POLG: variants seen among roughly 807,000 people sequenced by gnomAD.
POLG encodes DNA polymerase subunit gamma-1.
Under a neutral mutation model 155.4 loss-of-function variants are expected in POLG, and 110 were observed. The observed-to-expected ratio is 0.71, with a 90% CI of 0.61 to 0.83. The LOEUF (loss-of-function observed/expected upper bound fraction) is 0.83. Among genes scored for constraint, POLG ranks in the 40% least tolerant of loss-of-function variants. The probability of loss-of-function intolerance (pLI) is 0.00; values close to 1 mark genes in which losing one functional copy is unlikely to be tolerated. For missense variants in POLG, 1,685 were observed against 1,627.5 expected (o/e 1.04, Z -0.61); for synonymous variants, 701 against 631.5 (o/e 1.11, Z -1.65).
At position 89,333,679 on chromosome 15, in the gene POLG, C is replaced by T; in HGVS notation, c.76G>A (p.Val26Ile). Residue 26 changes from valine (V) to isoleucine (I), a missense_variant, in exon 2 of 23, where the codon GTC becomes ATC. Physicochemically the swap from Val to Ile is conservative, Grantham distance 29 (BLOSUM62 3). Around this residue, in one of 3 missense-constraint regions of POLG, gnomAD observed 1,210 missense variants for 1,167.1 expected, o/e 1.04. Coordinates refer to ENST00000268124, the MANE Select transcript of POLG (RefSeq NM_002693.3). ...TCGGACGCGGGGACGGAGCTGGAGA[C>T]CCAGCGCCCCGGAGCTGGAACCGGC... Reference protein sequence around the residue: ...PGPVPAPGRWVSSSVPASDPS... With the variant: ...PGPVPAPGRWISSSVPASDPS... 1 of 1,549,056 alleles carries T rather than the reference C, an allele frequency of 6.5e-7. No individual in the cohort carries two copies. Among genetic ancestry groups the T allele is most frequent in the Non-Finnish European group, 8.7e-7 (1 of 1,152,740 alleles).
chr15:89,328,428 A>G (rs371905951), intron 6 of POLG, 28 bp downstream of exon 6: 2 of 1,580,232 alleles, frequency 1.3e-6, no homozygotes, highest in African/African-American at 2.7e-5. Flanking sequence ...ACTGACCCCC[A>G]GAGATTCCCA....
At chr15:89,330,676 C>G (rs1018314582) in intron 2 of POLG, among the ~76,000 whole-genome samples, 9 of 150,608 alleles carry the variant, frequency 6.0e-5, no homozygotes, top group African/African-American at 2.2e-4. Flanking sequence ...GTTCAAAGTA[C>G]TAGTAAAGGA....
intron 11 of POLG, 81 bp downstream of exon 11, chr15:89,324,026 C>T: frequency 6.3e-7 from 1 of 1,590,924 alleles, no homozygotes; most frequent in Non-Finnish European, 8.6e-7. Context: ...GTGCCAGCCT[C>T]CCACCCAAAG....
rs773052089 is a variant in POLG at position 89,320,937 on chromosome 15, G to A, written c.2810C>T (p.Thr937Ile). 1 of 1,613,836 alleles carries A rather than the reference G, an allele frequency of 6.2e-7. No homozygotes were observed. Among genetic ancestry groups the A allele is most frequent in the Non-Finnish European group, 8.5e-7 (1 of 1,179,852 alleles). Residue 937 changes from threonine to isoleucine, a missense_variant, in exon 18 of 23, where the codon ACT becomes ATT. Physicochemically the swap from Thr to Ile is moderately conservative, Grantham distance 89 (BLOSUM62 -1). Transcript: ENST00000268124. ...ATGCTCACGGCTGATGCCCACAGTAGTGGCTGTCTTACTGTGTAGATCAGT... is the reference window on the plus strand; with the variant it reads ...ATGCTCACGGCTGATGCCCACAGTAATGGCTGTCTTACTGTGTAGATCAGT... ...RGTDLHSKTA[T>I]TVGISREHAK...
At position 89,324,182 on chromosome 15, in the gene POLG, C is replaced by T. The variant is rs1411128697; in HGVS notation, c.1995G>A (p.Lys665=). The T allele has an allele frequency of 6.2e-7, 1 of 1,613,748 alleles. No homozygotes were observed. The highest frequency in any genetic ancestry group is 1.1e-5 in the South Asian group (1 of 91,092). Reference sequence around the variant, plus strand: ...CGGCCTCCTGGGGCATCAGCTGCTGCTTCCCCTGTTCGAGACAGTGCTTCC... The same window carrying T: ...CGGCCTCCTGGGGCATCAGCTGCTGTTTCCCCTGTTCGAGACAGTGCTTCC... ...LYRKHCLEQG[K]QQLMPQEAGL... The change falls in exon 11 of 23, where the codon AAG becomes AAA. Residue 665 remains lysine (K), a synonymous_variant. Transcript: ENST00000268124.
At position 89,316,331 on chromosome 15, in the gene POLG, T is replaced by C. The variant is rs2055257867; in HGVS notation, c.*420A>G. Reference sequence around the variant, plus strand: ...GAGAAGATAGAGTCTTTTTTTTCCTTCTTTTTATTTCCACTGCCTTGGAGC... The same window carrying C: ...GAGAAGATAGAGTCTTTTTTTTCCTCCTTTTTATTTCCACTGCCTTGGAGC... On this transcript the variant is annotated 3_prime_UTR_variant, in exon 23 of 23. Transcript: ENST00000268124. 4 of 1,498,052 alleles carry C rather than the reference T, an allele frequency of 2.7e-6. No homozygotes were observed. The highest frequency in any genetic ancestry group is 3.7e-6 in the Non-Finnish European group (4 of 1,093,632). The allele number at this position is 1,498,052 out of a possible 1,614,324, so 92.8% of individuals were successfully genotyped here.
intron 22 of POLG, chr15:89,317,124 T>TAAAC (rs1490948029): frequency 5.1e-6 from 3 of 592,950 alleles, no homozygotes; most frequent in Non-Finnish European, 9.0e-6. Context: ...AAATTATCTT[T>TAAAC]AAACATTTCT....
At chr15:89,326,531 G>T (rs975219428) in intron 9 of POLG, 81 bp downstream of exon 9, 3 of 1,504,830 alleles carry the variant, frequency 2.0e-6, no homozygotes, top group Non-Finnish European at 2.7e-6. Context: ...ATGCCTCTGT[G>T]CCAGAACCCA....
chr15:89,329,225 TC>T (rs910303346), intron 3 of POLG, 115 bp from the exon 4 acceptor site: 10 of 819,644 alleles, frequency 1.2e-5, no homozygotes, highest in Non-Finnish European at 1.6e-5. Context: ...TCAAACAGCC[TC>T]CCCTCCCAGC....
rs1447917860 is a variant in POLG, at chr15:89,322,730, A to G, written c.2426+12T>C. The G allele has an allele frequency of 2.5e-6, 4 of 1,613,452 alleles. No individual in the cohort carries two copies. The highest frequency in any genetic ancestry group is 3.4e-6 in the Non-Finnish European group (4 of 1,179,740). The stretch of plus-strand genomic sequence containing the variant: ...GGAAAGGCATCCCAGGACTCCTCCC[A>G]TGGTGGCCCACCTGATACGTTTATG... On this transcript the variant is annotated intron_variant, in intron 14 of 22. Coordinates refer to ENST00000268124, the MANE Select transcript of POLG (RefSeq NM_002693.3).
intron 2 of POLG, among the ~76,000 whole-genome samples, chr15:89,331,544 G>C (rs142529382): frequency 1.3e-5 from 2 of 152,324 alleles, no homozygotes; most frequent in East Asian, 3.9e-4. Flanking sequence ...GTTTTACTGT[G>C]AATCTTAGAA....
At chr15:89,317,153 G>T in intron 22 of POLG, 1 of 606,526 alleles carries the variant, frequency 1.6e-6, no homozygotes, top group Non-Finnish European at 2.9e-6. Flanking sequence ...TGAAGTAGGG[G>T]ACAGGTACAG....
rs771254207 is a variant in POLG at position 89,321,771 on chromosome 15, C to T, written c.2563G>A (p.Val855Met). The stretch of plus-strand genomic sequence containing the variant: ...CTGGCGGTGAGCCATGTGGGCTCCA[C>T]AGCCCGGCGAGTGATGGTGCCGGCA... ...VTAGTITRRAVEPTWLTASNA... is the reference protein window; with the variant it reads ...VTAGTITRRAMEPTWLTASNA... Residue 855 changes from valine (V) to methionine (M), a missense_variant, in exon 16 of 23, where the codon GTG becomes ATG. Around this residue, in one of 3 missense-constraint regions of POLG, gnomAD observed 1,210 missense variants for 1,167.1 expected, o/e 1.04. Coordinates refer to ENST00000268124, the MANE Select transcript of POLG (RefSeq NM_002693.3). 1 of 1,614,108 alleles carries T rather than the reference C, an allele frequency of 6.2e-7. No homozygotes were observed. The highest frequency in any genetic ancestry group is 8.5e-7 in the Non-Finnish European group (1 of 1,179,978).
Position 89,325,691 on chromosome 15 carries a change from G to A in POLG, c.1713-5C>T, listed in dbSNP as rs148494026. ...GGGCAGAGCTTCCGGTACCATCTAC[G>A]TCCCAGCAGGAAGACAGCAGTGTCA... On this transcript the variant is annotated splice_polypyrimidine_tract_variant and splice_region_variant and intron_variant, in intron 9 of 22. Transcript: ENST00000268124. 57 of 1,596,002 alleles carry A rather than the reference G, an allele frequency of 3.6e-5. No homozygotes were observed. Among genetic ancestry groups the A allele is most frequent in the South Asian group, 1.4e-4 (13 of 90,912 alleles).
At chr15:89,332,575 G>C (rs534396778) in intron 2 of POLG, among the ~76,000 whole-genome samples, 1 of 149,724 alleles carries the variant, frequency 6.7e-6, no homozygotes, top group South Asian at 2.2e-4. Flanking sequence ...GCCACCTCAA[G>C]GGGGCGTCTG....
rs551811489 is a variant in POLG at position 89,320,770 on chromosome 15, G to A, written c.2977C>T (p.Arg993Cys). Residue 993 changes from arginine (R) to cysteine (C), a missense_variant, in exon 18 of 23, where the codon CGC becomes TGC. Arg to Cys is a radical substitution (Grantham distance 180, BLOSUM62 -3). This residue lies in a region of POLG where 470 missense variants were observed against 439.9 expected (regional missense o/e 1.07). Coordinates refer to ENST00000268124, the MANE Select transcript of POLG (RefSeq NM_002693.3). ...GGATGGGAGAGGGACCCTCACCAGC[G>A]GAGGCCCTTGGTGGCAGCGTACATC... ...QQMYAATKGL[R>C]WYRLSDEGEW... 58 of 1,613,030 alleles carry A rather than the reference G, an allele frequency of 3.6e-5. No individual in the cohort carries two copies. In the Admixed American group the frequency reaches 5.5e-4, roughly 15 times the overall value.
At chr15:89,320,735 G>T in intron 18 of POLG, 31 bp downstream of exon 18, 1 of 1,610,830 alleles carries the variant, frequency 6.2e-7, no homozygotes, top group Non-Finnish European at 8.5e-7. Flanking sequence ...CGGGTCCTGG[G>T]TGTTAAAGTG....
Position 89,321,030 on chromosome 15 carries a change from G to C in POLG, c.2735-18C>G. The C allele has an allele frequency of 6.2e-7, 1 of 1,614,168 alleles. No individual in the cohort carries two copies. The highest frequency in any genetic ancestry group is 8.5e-7 in the Non-Finnish European group (1 of 1,180,040). On this transcript the variant is annotated intron_variant, in intron 17 of 22. Transcript: ENST00000268124. Reference sequence around the variant, plus strand: ...TGTGCAGCCTGGAAGACAAGCAGGAGTGAGAAAAGCAGCTCAGGAACATTC... The same window carrying C: ...TGTGCAGCCTGGAAGACAAGCAGGACTGAGAAAAGCAGCTCAGGAACATTC...
At chr15:89,325,255 AGAG>A (rs2055493806) in intron 10 of POLG, among the ~76,000 whole-genome samples, 192 bp downstream of exon 10, 1 of 39,176 alleles carries the variant, frequency 2.6e-5, no homozygotes, top group Non-Finnish European at 4.8e-5. Flanking sequence ...AGTGAGAGAG[AGAG>A]TGAGTGAGTG....
Sources: gnomAD v4.1 joint callset for allele counts (sites outside exome capture counted in the v4.1 genomes callset) on GRCh38, gnomAD v4.1.1 for gene constraint, gnomAD v4.1.1 regional missense constraint, MANE v1.5 for transcripts, NCBI Gene and HGNC (gene_info 2026-07-23, HGNC 2026-07-21) for gene names.